SBF2: variants seen among roughly 807,000 people sequenced by gnomAD.
SBF2 encodes the protein myotubularin-related protein 13.
In SBF2, 112 loss-of-function variants were observed where a neutral mutation model predicts 225.2. The observed-to-expected ratio is 0.50, with a 90% confidence interval of 0.43 to 0.58. The LOEUF (loss-of-function observed/expected upper bound fraction) is 0.58, where lower values mean the gene tolerates loss of function less well. SBF2 is among the 20% of genes least tolerant of loss of function. The pLI is 0.00. For synonymous variants in SBF2, 763 were observed against 773.3 expected (o/e 0.99, Z 0.22); for missense variants, 1,996 against 2,206.2 (o/e 0.90, Z 1.91).
At chr11:10,208,240 A>G (rs1172067055) in intron 1 of SBF2, among the ~76,000 whole-genome samples, 1 of 152,136 alleles carries the variant, frequency 6.6e-6, no homozygotes, top group Non-Finnish European at 1.5e-5. Context: ...AAATACATAC[A>G]TCTACCACTA....
At chr11:10,241,340 C>T (rs1317023858) in intron 1 of SBF2, among the ~76,000 whole-genome samples, 2 of 145,340 alleles carry the variant, frequency 1.4e-5, no homozygotes, top group African/African-American at 2.8e-5. Flanking sequence ...GGTAACAGAG[C>T]GAGACTGTCT....
chr11:10,069,415 T>C (rs1172120771), intron 2 of SBF2, among the ~76,000 whole-genome samples: 1 of 150,382 alleles, frequency 6.6e-6, no homozygotes, highest in African/African-American at 2.4e-5. Flanking sequence ...TGGTGTTTGG[T>C]TTTCTGTCTT....
intron 1 of SBF2, among the ~76,000 whole-genome samples, chr11:10,247,221 T>C (rs1959890636): frequency 1.3e-5 from 2 of 152,164 alleles, no homozygotes; most frequent in Non-Finnish European, 2.9e-5. Context: ...TACAAGCCAA[T>C]GTGACTCATA....
At chr11:9,963,289 A>G (rs1462066336) in intron 15 of SBF2, among the ~76,000 whole-genome samples, 1 of 151,954 alleles carries the variant, frequency 6.6e-6, no homozygotes, top group African/African-American at 2.4e-5. Context: ...ACATGGTGAA[A>G]CCCCATCTTT....
At chr11:9,966,659 G>A (rs1866933892) in intron 14 of SBF2, among the ~76,000 whole-genome samples, 1 of 152,126 alleles carries the variant, frequency 6.6e-6, no homozygotes, top group Admixed American at 6.5e-5. Flanking sequence ...ATATCTGGTA[G>A]GGGACTTATA....
intron 17 of SBF2, among the ~76,000 whole-genome samples, chr11:9,872,088 G>C (rs1858820809): frequency 6.6e-6 from 1 of 152,170 alleles, no homozygotes; most frequent in African/African-American, 2.4e-5. Context: ...ATCAACGATA[G>C]ACTGAATAAA....
intron 16 of SBF2, among the ~76,000 whole-genome samples, chr11:9,912,041 G>A (rs960162614): frequency 2.0e-5 from 3 of 152,206 alleles, no homozygotes; most frequent in Admixed American, 6.5e-5. Flanking sequence ...TTTTAGCTGG[G>A]TGCGGTGGCT....
chr11:10,145,705 C>A (rs576303826), intron 2 of SBF2, among the ~76,000 whole-genome samples: 9 of 152,236 alleles, frequency 5.9e-5, no homozygotes, highest in Admixed American at 2.6e-4. Flanking sequence ...AATTTGTATA[C>A]CCCATTACAG....
chr11:10,295,072 A>C (rs1370474488), upstream of SBF2, among the ~76,000 whole-genome samples: 1 of 152,228 alleles, frequency 6.6e-6, no homozygotes. Flanking sequence ...CATTCAGGTG[A>C]ACTCACTTTG....
intron 32 of SBF2, among the ~76,000 whole-genome samples, chr11:9,796,575 G>GT (rs1853141018): frequency 6.6e-6 from 1 of 152,156 alleles, no homozygotes; most frequent in African/African-American, 2.4e-5. Context: ...AGGCAATCCA[G>GT]AAGGAGCCAG....
Position 10,098,475 on chromosome 11 carries a change from TA to T in SBF2, c.142-55495del, listed in dbSNP as rs1555023189. 4.3e-3 allele frequency among the ~76,000 whole-genome samples: 590 copies of T among 135,706 alleles called. 1 individual carries two copies. Among genetic ancestry groups the T allele is most frequent in the South Asian group, 0.03 (127 of 4,262 alleles). 89.0% of individuals were successfully genotyped at this position (135,706 alleles called of 152,430 possible). ...GGCAAGGCAAGGCTTCAAGGAAAAT[TA>T]AAAAAAAAAAAACAAAGAAATATGA... On this transcript the variant is annotated intron_variant, in intron 2 of 39. Coordinates refer to ENST00000256190, the MANE Select transcript of SBF2 (RefSeq NM_030962.4).
At chr11:9,812,963 C>G in intron 29 of SBF2, among the ~76,000 whole-genome samples, 1 of 152,176 alleles carries the variant, frequency 6.6e-6, no homozygotes, top group Non-Finnish European at 1.5e-5. Flanking sequence ...CCTAAGAATG[C>G]GTTCATTCTG....
intron 1 of SBF2, among the ~76,000 whole-genome samples, chr11:10,205,083 G>A (rs1485665280): frequency 6.6e-6 from 1 of 151,696 alleles, no homozygotes; most frequent in Non-Finnish European, 1.5e-5. Context: ...TGTAGGTGAC[G>A]GGATGATAGG....
intron 2 of SBF2, among the ~76,000 whole-genome samples, chr11:10,161,238 G>GT (rs938950206): frequency 1.4e-5 from 2 of 147,342 alleles, no homozygotes; most frequent in African/African-American, 2.5e-5. Flanking sequence ...GTTTTCAATC[G>GT]TTTTTTTCTG....
In SBF2 at chr11:9,983,698, C is replaced by T. The variant is rs576292416; in HGVS notation, c.1395+5799G>A. On this transcript the variant is annotated intron_variant, in intron 13 of 39. Coordinates refer to ENST00000256190, the MANE Select transcript of SBF2 (RefSeq NM_030962.4). ...TCACTGCACCCTCCGCCACCTCCAC[C>T]GGAACAGGCACTGGTATCCACAGCT... is the stretch of plus-strand genomic sequence containing the variant. Among the ~76,000 whole-genome samples the T allele has an allele frequency of 6.6e-5, 10 of 152,280 alleles. No individual in the cohort carries two copies. The South Asian group carries it at 1.9e-3, about 28-fold the overall frequency.
intron 16 of SBF2, among the ~76,000 whole-genome samples, chr11:9,951,245 T>C (rs1311049001): frequency 6.6e-6 from 1 of 152,190 alleles, no homozygotes; most frequent in Non-Finnish European, 1.5e-5. Context: ...AGACTGTAGA[T>C]ATAGGCAGGG....
At chr11:10,139,845 A>G (rs529211597) in intron 2 of SBF2, among the ~76,000 whole-genome samples, 2 of 152,244 alleles carry the variant, frequency 1.3e-5, no homozygotes, top group East Asian at 3.9e-4. Context: ...TTCCATCTAC[A>G]TTCCTGTGTG....
At chr11:9,921,067 T>C (rs75575393) in intron 16 of SBF2, among the ~76,000 whole-genome samples, 3 of 130,970 alleles carry the variant, frequency 2.3e-5, no homozygotes, top group East Asian at 2.0e-4. Context: ...AAAACTTCTT[T>C]TTTTTTTTTT....
chr11:10,107,808 A>G (rs1438637487), intron 2 of SBF2, among the ~76,000 whole-genome samples: 1 of 152,172 alleles, frequency 6.6e-6, no homozygotes, highest in Non-Finnish European at 1.5e-5. Context: ...GAAACCCTCA[A>G]TTACATTTGC....
Sources: gnomAD v4.1 joint callset for allele counts (sites outside exome capture counted in the v4.1 genomes callset) on GRCh38, gnomAD v4.1.1 for gene constraint, MANE v1.5 for transcripts, NCBI Gene and HGNC (gene_info 2026-07-23, HGNC 2026-07-21) for gene names.